NIBAN1: variants seen among roughly 807,000 people sequenced by gnomAD.
NIBAN1 encodes protein Niban 1.
Under a neutral mutation model 75.1 loss-of-function variants are expected in NIBAN1, and 81 were observed. That is an observed-to-expected ratio of 1.08 (90% confidence interval 0.90 to 1.30). NIBAN1 has a LOEUF of 1.30. NIBAN1 is among the 50% of genes most tolerant of loss of function. The probability of loss-of-function intolerance (pLI) is 0.00; values close to 1 mark genes in which losing one functional copy is unlikely to be tolerated. For synonymous variants in NIBAN1, 436 were observed against 424.8 expected (o/e 1.03, Z -0.32); for missense variants, 1,133 against 1,128.1 (o/e 1.00, Z -0.06).
At chr1:184,895,222 G>A (rs902790911) in intron 2 of NIBAN1, among the ~76,000 whole-genome samples, 2 of 152,088 alleles carry the variant, frequency 1.3e-5, no homozygotes, top group Admixed American at 1.3e-4. Flanking sequence ...TCATTAAAAG[G>A]TAAGAGAGAA....
chr1:184,883,910 T>G (rs1656441615), intron 5 of NIBAN1, among the ~76,000 whole-genome samples: 1 of 151,884 alleles, frequency 6.6e-6, no homozygotes, highest in African/African-American at 2.4e-5. Flanking sequence ...AAGGTGAAAA[T>G]AAAAAGGAAA....
intron 1 of NIBAN1, among the ~76,000 whole-genome samples, chr1:184,965,998 G>A (rs234097): frequency 0.79 from 120,756 of 152,184 alleles, 48,184 homozygotes; most frequent in Middle Eastern, 0.83. Context: ...AGGGAAATGT[G>A]TAGATTAAAA....
At position 184,839,102 on chromosome 1, in the gene NIBAN1, C is replaced by T. The variant is rs564448859; in HGVS notation, c.602-7140G>A. ...CATGGAGTATGGACCATGAGAGATG[C>T]TTACACACACACAGTCTCTATAATC... On this transcript the variant is annotated intron_variant, in intron 5 of 13. Coordinates refer to ENST00000367511, the MANE Select transcript of NIBAN1 (RefSeq NM_052966.4). Among the ~76,000 whole-genome samples, 17 of 152,244 alleles carry T rather than the reference C, an allele frequency of 1.1e-4. 1 individual carries two copies. The highest frequency in any genetic ancestry group is 3.9e-4 in the African/African-American group (16 of 41,556).
At chr1:184,895,866 T>A (rs1339328587) in intron 2 of NIBAN1, among the ~76,000 whole-genome samples, 1 of 152,174 alleles carries the variant, frequency 6.6e-6, no homozygotes, top group Non-Finnish European at 1.5e-5. Context: ...TCCAGCTCCA[T>A]CCATGTTGTT....
chr1:184,872,672 AC>A, intron 5 of NIBAN1, among the ~76,000 whole-genome samples: 2 of 151,970 alleles, frequency 1.3e-5, no homozygotes, highest in Admixed American at 1.3e-4. Flanking sequence ...GTGCTATTGC[AC>A]TCCAGCTTGG....
intron 4 of NIBAN1, among the ~76,000 whole-genome samples, chr1:184,887,331 T>C (rs1656553341): frequency 6.6e-6 from 1 of 152,140 alleles, no homozygotes; most frequent in African/African-American, 2.4e-5. Context: ...TTGAATGCTA[T>C]AGAGACACCT....
Position 184,831,901 on chromosome 1 carries a change from T to C in NIBAN1, c.663A>G (p.Arg221=). 1.2e-6 allele frequency: 2 copies of C among 1,614,164 alleles called. No individual in the cohort carries two copies. The highest frequency in any genetic ancestry group is 4.5e-5 in the East Asian group (2 of 44,878). Residue 221 remains arginine, a synonymous_variant, in exon 6 of 14, where the codon CGA becomes CGG. Coordinates refer to ENST00000367511, the MANE Select transcript of NIBAN1 (RefSeq NM_052966.4). ...AGGAACCATAGTGACCCTTCTCCTG[T>C]CGGAAGAATTGCACAGCTTCTAAAA... The part of the protein sequence containing the change: ...QAFLEAVQFF[R]QEKGHYGSWE...
intron 7 of NIBAN1, 50 bp from the exon 8 acceptor site, chr1:184,823,379 T>G: frequency 6.2e-7 from 1 of 1,601,612 alleles, no homozygotes; most frequent in Non-Finnish European, 8.5e-7. Context: ...GTGTAAGCAC[T>G]GATGGAGTCA....
At chr1:184,799,613 G>A (rs1477471961) in intron 12 of NIBAN1, among the ~76,000 whole-genome samples, 3 of 131,930 alleles carry the variant, frequency 2.3e-5, no homozygotes, top group South Asian at 2.6e-4. Context: ...CTGAGGAATC[G>A]CCACACTGAC....
chr1:184,803,665 G>T lies in NIBAN1; in HGVS notation c.1474C>A (p.Arg492=), dbSNP rs1175895614. ...AGTGCCTCTTGAAATATCTTCTTTCGGATGGTGCTGCTGTCATAATCATAT... is the reference window on the plus strand; with the variant it reads ...AGTGCCTCTTGAAATATCTTCTTTCTGATGGTGCTGCTGTCATAATCATAT... ...KQYDYDSSTI[R]KKIFQEALVQ... Residue 492 remains arginine (R), a synonymous_variant, in exon 12 of 14, where the codon CGA becomes AGA. Coordinates refer to ENST00000367511, the MANE Select transcript of NIBAN1 (RefSeq NM_052966.4). The T allele has an allele frequency of 6.2e-7, 1 of 1,614,066 alleles. No homozygotes were observed.
chr1:184,838,751 C>G (rs1655203512), intron 5 of NIBAN1, among the ~76,000 whole-genome samples: 1 of 152,162 alleles, frequency 6.6e-6, no homozygotes, highest in African/African-American at 2.4e-5. Context: ...CCTGTGGAGT[C>G]ATTCTAGATT....
At position 184,965,542 on chromosome 1, in the gene NIBAN1, CAG is replaced by C. The variant is rs535819752; in HGVS notation, c.55+8758_55+8759del. ...TATTCTTAGCAAACTAACGCAGGAA[CAG>C]AAAACCAAATGCCATTTATTCTCAC... On this transcript the variant is annotated intron_variant, in intron 1 of 13. Transcript: ENST00000367511. 4.3e-3 allele frequency among the ~76,000 whole-genome samples: 660 copies of C among 152,194 alleles called. 8 individuals carry two copies. The highest frequency in any genetic ancestry group is 0.015 in the African/African-American group (631 of 41,490).
chr1:184,820,903 C>T (rs563380050), intron 8 of NIBAN1, among the ~76,000 whole-genome samples: 1 of 152,336 alleles, frequency 6.6e-6, no homozygotes, highest in African/African-American at 2.4e-5. Context: ...CTTGGAAGAA[C>T]TCAGTAACTG....
chr1:184,819,791 T>C (rs1398024778), intron 8 of NIBAN1, among the ~76,000 whole-genome samples: 3 of 152,164 alleles, frequency 2.0e-5, no homozygotes, highest in Admixed American at 2.0e-4. Flanking sequence ...ATGAAAAAAA[T>C]GAGGCCTGGA....
At chr1:184,925,720 A>AT (rs1209211081) in intron 1 of NIBAN1, among the ~76,000 whole-genome samples, 2 of 152,098 alleles carry the variant, frequency 1.3e-5, no homozygotes, top group South Asian at 2.1e-4. Context: ...CATTAACTTC[A>AT]TTTTTTTAAC....
chr1:184,854,787 CCT>C (rs922268800), intron 5 of NIBAN1, among the ~76,000 whole-genome samples: 1 of 152,162 alleles, frequency 6.6e-6, no homozygotes, highest in Admixed American at 6.5e-5. Flanking sequence ...TTAGATGCCC[CCT>C]GTTTCTATTG....
In NIBAN1 at chr1:184,823,182, T is replaced by C; in HGVS notation, c.970A>G (p.Ile324Val). The C allele has an allele frequency of 6.2e-7, 1 of 1,614,202 alleles. No individual in the cohort carries two copies. The highest frequency in any genetic ancestry group is 8.5e-7 in the Non-Finnish European group (1 of 1,180,022). ...DQIVNSKNYL[I>V]GKIKAMVAQP... ...CTCTACTGACCTTTGATCTTTCCAA[T>C]TAAATAGTTCTTTGAGTTCACAATC... Residue 324 changes from isoleucine to valine, a missense_variant, in exon 8 of 14, where the codon ATT (isoleucine) becomes GTT (valine). Physicochemically the swap from Ile to Val is conservative, Grantham distance 29 (BLOSUM62 3). Coordinates refer to ENST00000367511, the MANE Select transcript of NIBAN1 (RefSeq NM_052966.4).
chr1:184,835,777 T>C (rs1011550863), intron 5 of NIBAN1, among the ~76,000 whole-genome samples: 4 of 152,260 alleles, frequency 2.6e-5, no homozygotes, highest in Non-Finnish European at 4.4e-5. Flanking sequence ...TATACAATCA[T>C]GTCATCTGCA....
intron 9 of NIBAN1, among the ~76,000 whole-genome samples, chr1:184,812,334 A>G (rs557519008): frequency 1.3e-5 from 2 of 152,300 alleles, no homozygotes; most frequent in East Asian, 3.9e-4. Flanking sequence ...TTTATCATAC[A>G]TATTTTGCTC....
Sources: gnomAD v4.1 joint callset for allele counts (sites outside exome capture counted in the v4.1 genomes callset) on GRCh38, gnomAD v4.1.1 for gene constraint, MANE v1.5 for transcripts, NCBI Gene and HGNC (gene_info 2026-07-23, HGNC 2026-07-21) for gene names.